HGD: variants seen among roughly 807,000 people sequenced by gnomAD.
The protein encoded by HGD is homogentisate oxidase.
In HGD, 61 loss-of-function variants were observed where a neutral mutation model predicts 60.8. The observed-to-expected ratio is 1.00, with a 90% CI of 0.82 to 1.24. The LOEUF is 1.24. Ranked by LOEUF, HGD falls within the 50% of genes most tolerant of loss-of-function variation. The probability of loss-of-function intolerance (pLI) is 0.00; values close to 1 mark genes in which losing one functional copy is unlikely to be tolerated. For missense variants in HGD, 542 were observed against 547.1 expected (o/e 0.99, Z 0.09); for synonymous variants, 212 against 187.7 (o/e 1.13, Z -1.06).
chr3:120,628,972 G>A (rs760201696), intron 13 of HGD, among the ~76,000 whole-genome samples: 3 of 152,128 alleles, frequency 2.0e-5, no homozygotes, highest in Non-Finnish European at 4.4e-5. Flanking sequence ...GCTGGGAAAC[G>A]ACTTGCTTAA....
intron 6 of HGD, among the ~76,000 whole-genome samples, chr3:120,650,089 C>T (rs1048778230): frequency 3.9e-5 from 6 of 152,212 alleles, no homozygotes; most frequent in African/African-American, 9.6e-5. Context: ...TTCTAGTACT[C>T]CAGCTGGTTA....
At chr3:120,678,317 G>A (rs1240812496) in intron 1 of HGD, among the ~76,000 whole-genome samples, 1 of 152,174 alleles carries the variant, frequency 6.6e-6, no homozygotes, top group African/African-American at 2.4e-5. Context: ...CTTCAATTCT[G>A]TGAAATGGAA....
Position 120,652,599 on chromosome 3 carries a change from A to C in HGD, c.335T>G (p.Phe112Cys). Residue 112 changes from phenylalanine (F) to cysteine (C), a missense_variant, in exon 5 of 14, where the codon TTT (phenylalanine) becomes TGT (cysteine). By Grantham distance (205) the Phe-to-Cys change is radical. This residue lies in a region of HGD where 537 missense variants were observed against 529.1 expected (regional missense o/e 1.01). Transcript: ENST00000283871. ...IPKASQKKVD[F>C]VSGLHTLCGA... Reference sequence around the variant, plus strand: ...TGGATGGGACTGACTTACACTCACAAAGTCTACTTTCTTCTGAGATGCTTT... The same window carrying C: ...TGGATGGGACTGACTTACACTCACACAGTCTACTTTCTTCTGAGATGCTTT... 1 of 1,612,534 alleles carries C rather than the reference A, an allele frequency of 6.2e-7. No individual in the cohort carries two copies.
At chr3:120,657,954 C>T (rs1263243962) in intron 4 of HGD, among the ~76,000 whole-genome samples, 1 of 152,114 alleles carries the variant, frequency 6.6e-6, no homozygotes, top group Non-Finnish European at 1.5e-5. Context: ...AGGGATGGTG[C>T]TAAACCATTC....
intron 8 of HGD, among the ~76,000 whole-genome samples, 171 bp from the exon 9 acceptor site, chr3:120,646,537 T>C (rs1239174963): frequency 2.0e-5 from 3 of 152,078 alleles, no homozygotes; most frequent in Admixed American, 6.5e-5. Context: ...TAAAAAGAAA[T>C]TTTTAAAATT....
At chr3:120,669,822 T>C (rs1395405685) in intron 4 of HGD, among the ~76,000 whole-genome samples, 1 of 152,220 alleles carries the variant, frequency 6.6e-6, no homozygotes, top group Admixed American at 6.5e-5. Context: ...CCAATTAAAC[T>C]CTGTTAAATT....
intron 1 of HGD, among the ~76,000 whole-genome samples, chr3:120,681,632 A>G (rs553626357): frequency 6.6e-6 from 1 of 152,388 alleles, no homozygotes; most frequent in East Asian, 1.9e-4. Context: ...ATTACTAAAA[A>G]GAAGGAATGA....
At chr3:120,642,281 C>T (rs1233383683) in intron 10 of HGD, among the ~76,000 whole-genome samples, 1 of 152,100 alleles carries the variant, frequency 6.6e-6, no homozygotes, top group Non-Finnish European at 1.5e-5. Flanking sequence ...CCTTCTGTAT[C>T]TATGGGTCCG....
chr3:120,654,348 C>T (rs1398852126), intron 4 of HGD, among the ~76,000 whole-genome samples: 2 of 152,150 alleles, frequency 1.3e-5, no homozygotes, highest in East Asian at 1.9e-4. Context: ...GAGACCAAGA[C>T]CAAATTAAAT....
At chr3:120,650,048 A>T (rs192433149) in intron 6 of HGD, among the ~76,000 whole-genome samples, 3,221 of 152,322 alleles carry the variant, frequency 0.021, 47 homozygotes, top group Middle Eastern at 0.041. Flanking sequence ...GTGTTTGTGT[A>T]AAATGGAAAA....
At chr3:120,660,805 C>G (rs978676994) in intron 4 of HGD, among the ~76,000 whole-genome samples, 1 of 151,942 alleles carries the variant, frequency 6.6e-6, no homozygotes, top group Non-Finnish European at 1.5e-5. Flanking sequence ...AGCCTGTACT[C>G]AAAAAACAAA....
At chr3:120,662,764 A>G (rs916214009) in intron 4 of HGD, among the ~76,000 whole-genome samples, 3 of 152,194 alleles carry the variant, frequency 2.0e-5, no homozygotes, top group African/African-American at 4.8e-5. Context: ...ATTTAGAGGG[A>G]AAAACAAGCA....
chr3:120,644,520 A>G (rs1576294226), intron 9 of HGD, 77 bp from the exon 10 acceptor site: 5 of 1,607,478 alleles, frequency 3.1e-6, no homozygotes, highest in East Asian at 2.2e-5. Context: ...ATGAAGAGAA[A>G]GGCTTTCTTT....
Position 120,647,901 on chromosome 3 carries a change from TG to T in HGD, c.444del (p.Tyr148Ter). On this transcript the variant is annotated frameshift_variant, in exon 7 of 14. Transcript: ENST00000283871. LOFTEE classifies it high-confidence loss of function. Reference sequence around the variant, plus strand: ...CCAATCAAGAAGTCCCCATCTGAATTGTAAAAGCATCTGAAACATATAGAGT... The same window carrying T: ...CCAATCAAGAAGTCCCCATCTGAATTTAAAAGCATCTGAAACATATAGAGT... ...CNTSMENRCF[Y>X]NSDGDFLIVP... The T allele has an allele frequency of 6.2e-7, 1 of 1,611,346 alleles. No homozygotes were observed. The highest frequency in any genetic ancestry group is 8.5e-7 in the Non-Finnish European group (1 of 1,177,430).
chr3:120,662,526 G>T (rs1315044311), intron 4 of HGD, among the ~76,000 whole-genome samples: 1 of 152,116 alleles, frequency 6.6e-6, no homozygotes, highest in East Asian at 1.9e-4. Context: ...TGGGGAGCAA[G>T]ACTGAGGAAT....
chr3:120,646,413 T>C (rs1941165158), intron 8 of HGD, 47 bp from the exon 9 acceptor site: 2 of 1,250,360 alleles, frequency 1.6e-6, no homozygotes, highest in South Asian at 1.2e-5. Flanking sequence ...ATCACAGCTG[T>C]AGTTATAAAG....
At chr3:120,672,240 T>C (rs1015559399) in intron 3 of HGD, among the ~76,000 whole-genome samples, 2 of 152,192 alleles carry the variant, frequency 1.3e-5, no homozygotes, top group Non-Finnish European at 2.9e-5. Flanking sequence ...TATTTGTCTT[T>C]CTTTCTTTTC....
chr3:120,646,193 G>A (rs948424552), intron 9 of HGD, 74 bp downstream of exon 9: 1 of 922,558 alleles, frequency 1.1e-6, no homozygotes, highest in Non-Finnish European at 1.8e-6. Flanking sequence ...AAGGGAGAAG[G>A]ATGTTTAACT....
intron 4 of HGD, among the ~76,000 whole-genome samples, chr3:120,666,694 C>T (rs941336183): frequency 3.9e-5 from 6 of 152,018 alleles, no homozygotes; most frequent in African/African-American, 1.2e-4. Context: ...GTTGGTCAAG[C>T]TGTTCTCGAT....
Sources: gnomAD v4.1 joint callset for allele counts (sites outside exome capture counted in the v4.1 genomes callset) on GRCh38, gnomAD v4.1.1 for gene constraint, gnomAD v4.1.1 regional missense constraint, MANE v1.5 for transcripts, NCBI Gene and HGNC (gene_info 2026-07-23, HGNC 2026-07-21) for gene names.